TPRG1: variants seen among roughly 807,000 people sequenced by gnomAD.
TPRG1 encodes the protein tumor protein p63 regulated 1.
A neutral mutation model predicts 29.3 loss-of-function variants in TPRG1; 29 were observed. The ratio of observed to expected loss-of-function variants is 0.99; its 90% CI spans 0.74 to 1.35. The LOEUF is 1.35. TPRG1 is among the 40% of genes most tolerant of loss of function. The probability of loss-of-function intolerance (pLI) is 0.00; values close to 1 mark genes in which losing one functional copy is unlikely to be tolerated. For synonymous variants in TPRG1, 130 were observed against 116.8 expected (o/e 1.11, Z -0.73); for missense variants, 327 against 335.0 (o/e 0.98, Z 0.19).
At chr3:189,243,074 G>T (rs151136954) in intron 4 of TPRG1, among the ~76,000 whole-genome samples, 1 of 152,088 alleles carries the variant, frequency 6.6e-6, no homozygotes, top group East Asian at 1.9e-4. Context: ...AAATATTTAA[G>T]ACCAGGTGAT....
At chr3:189,133,605 C>T (rs544870316) in intron 3 of TPRG1, among the ~76,000 whole-genome samples, 2 of 152,296 alleles carry the variant, frequency 1.3e-5, no homozygotes, top group East Asian at 3.9e-4. Context: ...TTCTCCTCTG[C>T]CATGATTGTG....
chr3:189,119,148 G>A (rs753927945), intron 1 of TPRG1, among the ~76,000 whole-genome samples: 4 of 152,242 alleles, frequency 2.6e-5, no homozygotes, highest in Non-Finnish European at 5.9e-5. Flanking sequence ...TGACGTGGAT[G>A]TGAGTCATGG....
chr3:189,007,415 G>A (rs1016048185), intron 3 of TPRG1, among the ~76,000 whole-genome samples: 23 of 152,106 alleles, frequency 1.5e-4, no homozygotes, highest in Middle Eastern at 3.4e-3. Flanking sequence ...TGGAGAGGAT[G>A]TGGAGAAATA....
chr3:189,203,563 G>A (rs761265637), intron 1 of TPRG1, among the ~76,000 whole-genome samples: 20 of 152,224 alleles, frequency 1.3e-4, no homozygotes, highest in African/African-American at 2.2e-4. Flanking sequence ...CAATGTTTGC[G>A]TGTTATTTTG....
intron 4 of TPRG1, among the ~76,000 whole-genome samples, chr3:189,258,895 T>C (rs1712441997): frequency 6.6e-6 from 1 of 152,218 alleles, no homozygotes; most frequent in South Asian, 2.1e-4. Context: ...GACTGCTGTG[T>C]TGGCAGCGAG....
intron 3 of TPRG1, among the ~76,000 whole-genome samples, chr3:189,236,050 A>G (rs534783712): frequency 6.6e-6 from 1 of 152,326 alleles, no homozygotes; most frequent in Admixed American, 6.5e-5. Flanking sequence ...ATGTTTCTCC[A>G]TGAGTTCTTA....
At chr3:189,295,934 A>G (rs1416501140) in intron 4 of TPRG1, among the ~76,000 whole-genome samples, 2 of 147,828 alleles carry the variant, frequency 1.4e-5, no homozygotes, top group South Asian at 2.2e-4. Context: ...AAAAAAAAAC[A>G]TTTAGACTGT....
At chr3:189,309,454 G>C (rs1222422255) in intron 4 of TPRG1, among the ~76,000 whole-genome samples, 1 of 152,040 alleles carries the variant, frequency 6.6e-6, no homozygotes, top group Admixed American at 6.6e-5. Context: ...AGTTCCATAG[G>C]GCTGTTTAGA....
chr3:189,223,350 C>T (rs1194353984), intron 3 of TPRG1, among the ~76,000 whole-genome samples: 74 of 152,218 alleles, frequency 4.9e-4, no homozygotes, highest in Non-Finnish European at 5.9e-5. Context: ...TGCCTCAAAT[C>T]TATCAAGATG....
chr3:189,122,617 G>T (rs548723221), intron 1 of TPRG1, among the ~76,000 whole-genome samples: 1 of 152,290 alleles, frequency 6.6e-6, no homozygotes, highest in Admixed American at 6.5e-5. Context: ...AGATCATCTA[G>T]TCCAACCCTG....
chr3:189,119,727 G>A (rs1047290758), intron 1 of TPRG1, among the ~76,000 whole-genome samples: 4 of 152,214 alleles, frequency 2.6e-5, no homozygotes, highest in Non-Finnish European at 4.4e-5. Context: ...AGAAGGACAT[G>A]TTTGCTTCCC....
chr3:188,997,533 T>A (rs1711875200), intron 1 of TPRG1, among the ~76,000 whole-genome samples: 1 of 152,220 alleles, frequency 6.6e-6, no homozygotes, highest in Non-Finnish European at 1.5e-5. Context: ...TGTTCCAGTT[T>A]GCCAGAGGCT....
chr3:189,085,450 T>TGTGTGTGTGTGC (rs150880247), intron 4 of TPRG1, among the ~76,000 whole-genome samples: 19,280 of 132,990 alleles, frequency 0.14, 2,044 homozygotes, highest in African/African-American at 0.31. Context: ...TGTGTGCATG[T>TGTGTGTGTGTGC]GTGTGTGTGT....
chr3:189,180,001 G>A (rs1240892384), intron 1 of TPRG1, among the ~76,000 whole-genome samples: 1 of 152,200 alleles, frequency 6.6e-6, no homozygotes, highest in Non-Finnish European at 1.5e-5. Flanking sequence ...TCACAATCAT[G>A]ATGGAAGGCA....
intron 4 of TPRG1, among the ~76,000 whole-genome samples, chr3:189,057,853 TATAC>T (rs1715829169): frequency 9.0e-6 from 1 of 111,608 alleles, no homozygotes. Flanking sequence ...TGTGTATATA[TATAC>T]ACACATACGT....
At chr3:189,201,345 A>G (rs1458004524) in intron 1 of TPRG1, among the ~76,000 whole-genome samples, 1 of 152,212 alleles carries the variant, frequency 6.6e-6, no homozygotes, top group Admixed American at 6.5e-5. Flanking sequence ...GATACCTGCA[A>G]TAGGATTTTT....
chr3:189,306,271 C>T, intron 4 of TPRG1, among the ~76,000 whole-genome samples: 1 of 152,126 alleles, frequency 6.6e-6, no homozygotes, highest in East Asian at 1.9e-4. Flanking sequence ...AGAAGTTAGG[C>T]TTATTCAGAC....
chr3:189,202,535 A>G (rs1309686227), intron 1 of TPRG1, among the ~76,000 whole-genome samples: 6 of 152,230 alleles, frequency 3.9e-5, no homozygotes, highest in Non-Finnish European at 5.9e-5. Context: ...GCAAAACGTA[A>G]TAGGTTTGGG....
At chr3:189,183,831 G>C (rs1455434826) in intron 1 of TPRG1, among the ~76,000 whole-genome samples, 5 of 151,098 alleles carry the variant, frequency 3.3e-5, no homozygotes, top group Non-Finnish European at 7.4e-5. Context: ...TCTACAATTT[G>C]TGCAGTTAAC....
Sources: gnomAD v4.1 joint callset for allele counts (sites outside exome capture counted in the v4.1 genomes callset) on GRCh38, gnomAD v4.1.1 for gene constraint, MANE v1.5 for transcripts, NCBI Gene and HGNC (gene_info 2026-07-23, HGNC 2026-07-21) for gene names.